The following SYN3 variants were observed in gnomAD, a reference collection of about 807,000 sequenced individuals.
SYN3 encodes the protein synapsin III, also known as synapsin-3.
A neutral mutation model predicts 65.8 loss-of-function variants in SYN3; 35 were observed. The observed-to-expected ratio is 0.53, with a 90% confidence interval of 0.41 to 0.70. The LOEUF (loss-of-function observed/expected upper bound fraction) is 0.70. SYN3 is among the 30% of genes least tolerant of loss of function. SYN3 has a pLI of 0.00. For missense variants in SYN3, 680 were observed against 749.0 expected, an observed-to-expected ratio of 0.91 and a Z score of 1.08; for synonymous variants, 270 against 292.9, an observed-to-expected ratio of 0.92 and a Z score of 0.80.
chr22:32,734,470 G>A (rs969106969), intron 6 of SYN3, among the ~76,000 whole-genome samples: 3 of 152,148 alleles, frequency 2.0e-5, no homozygotes, highest in Non-Finnish European at 4.4e-5. Context: ...TCTTCCCTGA[G>A]AACTTGGAAT....
chr22:32,596,635 G>A, intron 7 of SYN3, 39 bp downstream of exon 7: 1 of 1,607,558 alleles, frequency 6.2e-7, no homozygotes, highest in Non-Finnish European at 8.5e-7. Context: ...GGGAATCTCT[G>A]GGTGTGTCCA....
At chr22:32,755,303 T>A (rs1394353635) in intron 6 of SYN3, among the ~76,000 whole-genome samples, 1 of 152,226 alleles carries the variant, frequency 6.6e-6, no homozygotes, top group Non-Finnish European at 1.5e-5. Context: ...AAACAGTGAA[T>A]GCTCTTGTCA....
intron 2 of SYN3, among the ~76,000 whole-genome samples, chr22:33,005,820 G>A (rs576952378): frequency 6.6e-6 from 1 of 152,314 alleles, no homozygotes; most frequent in African/African-American, 2.4e-5. Context: ...TATGGAAGGA[G>A]GGTGGCTGAG....
intron 3 of SYN3, among the ~76,000 whole-genome samples, chr22:32,941,169 A>AAGAG (rs1166180581): frequency 2.6e-5 from 4 of 152,324 alleles, no homozygotes; most frequent in Non-Finnish European, 5.9e-5. Context: ...ACAGCTTGTT[A>AAGAG]GTATGGTCAG....
At chr22:32,966,616 AT>A (rs2051854258) in intron 3 of SYN3, among the ~76,000 whole-genome samples, 1 of 152,166 alleles carries the variant, frequency 6.6e-6, no homozygotes, top group Non-Finnish European at 1.5e-5. Context: ...CAGCATAAAG[AT>A]TAAGAACCAT....
chr22:32,852,452 A>AAG (rs573424402), intron 6 of SYN3, among the ~76,000 whole-genome samples: 217 of 152,252 alleles, frequency 1.4e-3, no homozygotes, highest in Non-Finnish European at 2.4e-3. Flanking sequence ...TGTAGGAGGG[A>AAG]AGAGAGAGAG....
At chr22:32,695,297 T>C (rs113885931) in intron 6 of SYN3, among the ~76,000 whole-genome samples, 1 of 152,232 alleles carries the variant, frequency 6.6e-6, no homozygotes, top group African/African-American at 2.4e-5. Flanking sequence ...AAATCCCACA[T>C]TCTGCTGATG....
At chr22:33,036,096 A>G (rs1463227888) in intron 1 of SYN3, among the ~76,000 whole-genome samples, 1 of 152,150 alleles carries the variant, frequency 6.6e-6, no homozygotes, top group Non-Finnish European at 1.5e-5. Flanking sequence ...CAAGAGTATA[A>G]GCATTTGCCT....
At chr22:32,846,329 A>G (rs1303971460) in intron 6 of SYN3, among the ~76,000 whole-genome samples, 1 of 152,242 alleles carries the variant, frequency 6.6e-6, no homozygotes, top group Non-Finnish European at 1.5e-5. Flanking sequence ...CTGTAAGGCT[A>G]GAATATTTTT....
At chr22:32,851,498 G>T (rs914062285) in intron 6 of SYN3, among the ~76,000 whole-genome samples, 1 of 152,128 alleles carries the variant, frequency 6.6e-6, no homozygotes, top group African/African-American at 2.4e-5. Flanking sequence ...TCCCAGGCTG[G>T]TGGGCTTAGA....
At chr22:32,824,003 G>A (rs950001140) in intron 6 of SYN3, among the ~76,000 whole-genome samples, 7 of 152,288 alleles carry the variant, frequency 4.6e-5, no homozygotes, top group South Asian at 2.1e-4. Context: ...TGCAGGCCAG[G>A]CGCGGTGACT....
chr22:32,930,545 C>T (rs1381996472), intron 4 of SYN3, among the ~76,000 whole-genome samples: 1 of 151,830 alleles, frequency 6.6e-6, no homozygotes, highest in African/African-American at 2.4e-5. Flanking sequence ...TTTGCAGAGG[C>T]TGTTTCCTAC....
chr22:32,765,226 C>A (rs1311868867), intron 6 of SYN3, among the ~76,000 whole-genome samples: 1 of 152,090 alleles, frequency 6.6e-6, no homozygotes, highest in Non-Finnish European at 1.5e-5. Context: ...GCTCTGGGAA[C>A]TGGAATGTCG....
At chr22:32,673,321 C>G (rs908131571) in intron 6 of SYN3, among the ~76,000 whole-genome samples, 1 of 152,184 alleles carries the variant, frequency 6.6e-6, no homozygotes, top group Non-Finnish European at 1.5e-5. Flanking sequence ...ACTATCTCCT[C>G]CCCCAGAGAG....
At chr22:33,049,559 T>C (rs987302136) in intron 1 of SYN3, among the ~76,000 whole-genome samples, 1 of 152,254 alleles carries the variant, frequency 6.6e-6, no homozygotes, top group Non-Finnish European at 1.5e-5. Context: ...GGATGGTTTT[T>C]ATTCTGGGTG....
intron 7 of SYN3, among the ~76,000 whole-genome samples, chr22:32,560,702 T>C (rs1294906419): frequency 6.6e-6 from 1 of 152,102 alleles, no homozygotes; most frequent in African/African-American, 2.4e-5. Context: ...ACTTTCGTTT[T>C]TACTGCAAAT....
At chr22:32,992,429 C>T (rs550684078) in intron 2 of SYN3, among the ~76,000 whole-genome samples, 16 of 152,294 alleles carry the variant, frequency 1.1e-4, no homozygotes, top group South Asian at 2.1e-4. Flanking sequence ...CTTTGTTCTC[C>T]CCCACTGGTT....
intron 2 of SYN3, among the ~76,000 whole-genome samples, chr22:33,001,176 A>G (rs1414105997): frequency 6.6e-6 from 1 of 152,186 alleles, no homozygotes; most frequent in Non-Finnish European, 1.5e-5. Context: ...CAAGAACACC[A>G]TAAACAAAGA....
intron 6 of SYN3, among the ~76,000 whole-genome samples, chr22:32,686,952 A>C (rs1269663985): frequency 1.3e-5 from 2 of 151,862 alleles, no homozygotes; most frequent in Non-Finnish European, 2.9e-5. Flanking sequence ...CACACAACTA[A>C]ATATCAGCAG....
Sources: gnomAD v4.1 joint callset for allele counts (sites outside exome capture counted in the v4.1 genomes callset) on GRCh38, gnomAD v4.1.1 for gene constraint, MANE v1.5 for transcripts, NCBI Gene and HGNC (gene_info 2026-07-23, HGNC 2026-07-21) for gene names.